The following CDH11 variants were observed in gnomAD, a reference collection of about 807,000 sequenced individuals.
The protein encoded by CDH11 is cadherin 11.
A neutral mutation model predicts 67.8 loss-of-function variants in CDH11; 11 were observed. The ratio of observed to expected loss-of-function variants is 0.16; its 90% CI spans 0.10 to 0.27. CDH11 has a LOEUF of 0.27. Among genes scored for constraint, CDH11 ranks in the 10% least tolerant of loss-of-function variants. The pLI is 1.00. For synonymous variants in CDH11, 419 were observed against 400.0 expected, an observed-to-expected ratio of 1.05 and a Z score of -0.57; for missense variants, 847 against 1,031.2, an observed-to-expected ratio of 0.82 and a Z score of 2.45.
intron 1 of CDH11, among the ~76,000 whole-genome samples, chr16:65,065,466 C>A (rs887646813): frequency 6.6e-6 from 1 of 152,160 alleles, no homozygotes; most frequent in Non-Finnish European, 1.5e-5. Context: ...GGCTGCTTCA[C>A]GAAAGGGACG....
chr16:64,994,836 A>C (rs1264150353), intron 4 of CDH11, among the ~76,000 whole-genome samples: 1 of 152,216 alleles, frequency 6.6e-6, no homozygotes, highest in African/African-American at 2.4e-5. Flanking sequence ...AAAGGCTCTT[A>C]GAACTGATCA....
intron 1 of CDH11, among the ~76,000 whole-genome samples, chr16:65,116,687 CTTTAAAGCTG>C (rs761594686): frequency 2.4e-4 from 36 of 152,290 alleles, no homozygotes; most frequent in Non-Finnish European, 3.7e-4. Flanking sequence ...CTACTGCAGT[CTTTAAAGCTG>C]TTTAAAGCTG....
chr16:65,056,373 G>T (rs558673781), intron 1 of CDH11, among the ~76,000 whole-genome samples: 1 of 152,278 alleles, frequency 6.6e-6, no homozygotes, highest in Admixed American at 6.5e-5. Context: ...AAATATTCAT[G>T]TAACTCCAGC....
chr16:65,099,480 C>A (rs2074954501), intron 1 of CDH11, among the ~76,000 whole-genome samples: 1 of 152,098 alleles, frequency 6.6e-6, no homozygotes, highest in African/African-American at 2.4e-5. Context: ...GGAAGGTAGT[C>A]TCAGTTCTTT....
intron 2 of CDH11, among the ~76,000 whole-genome samples, chr16:65,006,133 TTCTGGAGAATCACCTTCTCTC>T (rs1321408510): frequency 6.6e-6 from 1 of 152,176 alleles, no homozygotes; most frequent in Non-Finnish European, 1.5e-5. Flanking sequence ...TACATTTGTT[TTCTGGAGAATCACCTTCTCTC>T]TCTGGAGTGC....
intron 2 of CDH11, among the ~76,000 whole-genome samples, chr16:65,008,647 G>A (rs1397781531): frequency 1.3e-5 from 2 of 152,138 alleles, no homozygotes; most frequent in Admixed American, 1.3e-4. Context: ...TACGCTTCTA[G>A]TAAATACCAG....
chr16:64,975,225 T>G (rs1161608951), intron 8 of CDH11, among the ~76,000 whole-genome samples: 1 of 152,230 alleles, frequency 6.6e-6, no homozygotes, highest in Non-Finnish European at 1.5e-5. Flanking sequence ...CTGCTATTAT[T>G]TTTGTTGTTG....
chr16:64,973,122 A>T (rs749718629), intron 8 of CDH11, 82 bp from the exon 9 acceptor site: 2 of 1,324,558 alleles, frequency 1.5e-6, no homozygotes, highest in Non-Finnish European at 2.1e-6. Flanking sequence ...TGCTATATTT[A>T]AATCAAGCTT....
chr16:65,082,416 T>C (rs867791416), intron 1 of CDH11, among the ~76,000 whole-genome samples: 2 of 152,156 alleles, frequency 1.3e-5, no homozygotes, highest in South Asian at 2.1e-4. Context: ...TATGTGAGGC[T>C]TATACAAACC....
At chr16:65,108,979 T>A (rs1418971175) in intron 1 of CDH11, among the ~76,000 whole-genome samples, 1 of 152,004 alleles carries the variant, frequency 6.6e-6, no homozygotes, top group Non-Finnish European at 1.5e-5. Context: ...AAACCCTGCC[T>A]CTACTAAAAA....
In CDH11 at chr16:64,945,286, C is replaced by T. The variant is rs35148; in HGVS notation, c.*2317G>A. On this transcript the variant is annotated 3_prime_UTR_variant, in exon 13 of 13. Coordinates refer to ENST00000268603, the MANE Select transcript of CDH11 (RefSeq NM_001797.4). ...TGTTCTACAAACAATAGAGGCTTAA[C>T]GAAAAAATAAAAGGTAAAAAAAAAA... 99,962 of 452,380 alleles carry T rather than the reference C, an allele frequency of 0.22. 12,105 individuals are homozygous for T. The highest frequency in any genetic ancestry group is 0.3 in the Admixed American group (3,131 of 10,608). The allele number at this position is 452,380 out of a possible 1,614,324, so 28.0% of individuals were successfully genotyped here.
chr16:64,992,533 C>T (rs1234868039), intron 5 of CDH11, among the ~76,000 whole-genome samples: 1 of 152,160 alleles, frequency 6.6e-6, no homozygotes, highest in Non-Finnish European at 1.5e-5. Flanking sequence ...CACATGAGTG[C>T]CATGCTCACT....
intron 1 of CDH11, among the ~76,000 whole-genome samples, chr16:65,111,563 T>TA (rs2075156923): frequency 1.3e-5 from 2 of 152,164 alleles, no homozygotes; most frequent in South Asian, 4.2e-4. Flanking sequence ...TAAAAGCTAA[T>TA]GTAATGTAGC....
At chr16:65,100,721 G>A in intron 1 of CDH11, among the ~76,000 whole-genome samples, 1 of 144,106 alleles carries the variant, frequency 6.9e-6, no homozygotes, top group Admixed American at 7.2e-5. Flanking sequence ...CCGGGTGACA[G>A]AGCGAGACTC....
chr16:65,042,199 T>C (rs965645798), intron 2 of CDH11, among the ~76,000 whole-genome samples: 2 of 152,152 alleles, frequency 1.3e-5, no homozygotes, highest in Admixed American at 6.5e-5. Flanking sequence ...GCTGAACAAG[T>C]CTCTAAACTT....
intron 1 of CDH11, among the ~76,000 whole-genome samples, chr16:65,101,362 G>A (rs998968824): frequency 5.9e-5 from 9 of 152,198 alleles, no homozygotes; most frequent in African/African-American, 2.2e-4. Context: ...TGTGATGCTA[G>A]TCAAACTCCC....
Position 64,982,193 on chromosome 16 carries a change from C to T in CDH11, c.1108G>A (p.Val370Ile), listed in dbSNP as rs199720066. Residue 370 changes from valine (V) to isoleucine (I), a missense_variant, in exon 8 of 13, where the codon GTC (valine) becomes ATC (isoleucine). This residue lies in a region of CDH11 where 612 missense variants were observed against 678.7 expected (regional missense o/e 0.90). Coordinates refer to ENST00000268603, the MANE Select transcript of CDH11 (RefSeq NM_001797.4). ...SNGPFKDTVT[V>I]KISVEDADEP... ...TCAGCATCTTCTACTGAGATCTTGA[C>T]GGTCACAGTGTCCTTGAAAGGGCCA... 33 of 1,613,916 alleles carry T rather than the reference C, an allele frequency of 2.0e-5. No individual in the cohort carries two copies. The highest frequency in any genetic ancestry group is 1.9e-4 in the African/African-American group (14 of 75,008).
At chr16:64,994,068 G>A (rs2072704099) in intron 4 of CDH11, among the ~76,000 whole-genome samples, 1 of 152,194 alleles carries the variant, frequency 6.6e-6, no homozygotes, top group Non-Finnish European at 1.5e-5. Context: ...CAGCAGAGGG[G>A]CAAGGTTCTA....
rs1358574440 is a variant in CDH11, at chr16:65,100,279, C to T, written c.-298+21601G>A. On this transcript the variant is annotated intron_variant, in intron 1 of 12. Coordinates refer to ENST00000268603, the MANE Select transcript of CDH11 (RefSeq NM_001797.4). Reference sequence around the variant, plus strand: ...TTAGTTAGTGACAGGATGTTGAATACTGCCATGAAATTTCATGGATCATCT... The same window carrying T: ...TTAGTTAGTGACAGGATGTTGAATATTGCCATGAAATTTCATGGATCATCT... Among the ~76,000 whole-genome samples, 3 of 151,986 alleles carry T rather than the reference C, an allele frequency of 2.0e-5. No homozygotes were observed. In the East Asian group the frequency reaches 5.8e-4, roughly 29 times the overall value.
Sources: allele counts gnomAD v4.1 joint callset (sites outside exome capture counted in the v4.1 genomes callset), GRCh38; gene constraint gnomAD v4.1.1; regional missense constraint gnomAD v4.1.1; transcripts MANE v1.5; gene names NCBI Gene and HGNC (gene_info 2026-07-23, HGNC 2026-07-21).